CFAP299: variants seen among roughly 807,000 people sequenced by gnomAD.
CFAP299 encodes the protein cilia- and flagella-associated protein 299.
CFAP299 carries 21 observed loss-of-function variants against 27.0 expected under a neutral mutation model. The ratio of observed to expected loss-of-function variants is 0.78; its 90% confidence interval spans 0.55 to 1.12. The LOEUF (loss-of-function observed/expected upper bound fraction) is 1.12. CFAP299 is among the 50% of genes most tolerant of loss of function. The probability of loss-of-function intolerance (pLI) is 0.00; values close to 1 mark genes in which losing one functional copy is unlikely to be tolerated. For synonymous variants in CFAP299, 104 were observed against 98.1 expected, an observed-to-expected ratio of 1.06 and a Z score of -0.36; for missense variants, 310 against 276.6, an observed-to-expected ratio of 1.12 and a Z score of -0.86.
intron 3 of CFAP299, among the ~76,000 whole-genome samples, chr4:80,819,302 C>A (rs550432382): frequency 2.6e-5 from 4 of 152,006 alleles, no homozygotes; most frequent in Non-Finnish European, 5.9e-5. Context: ...AAAGTATTTG[C>A]AACTAAAGGC....
chr4:80,866,665 C>G (rs1327191693), intron 3 of CFAP299, among the ~76,000 whole-genome samples: 2 of 152,096 alleles, frequency 1.3e-5, no homozygotes, highest in African/African-American at 4.8e-5. Flanking sequence ...TACGATGATT[C>G]TAGAGGGACC....
rs137925193 is a variant in CFAP299, at chr4:80,599,214, A to T, written c.333+16031A>T. Reference sequence around the variant, plus strand: ...ATGGATCTCTGTCCTCCCACCTGATATCTAATCTCTACGTCTGTCCTTTAC... The same window carrying T: ...ATGGATCTCTGTCCTCCCACCTGATTTCTAATCTCTACGTCTGTCCTTTAC... On this transcript the variant is annotated intron_variant, in intron 3 of 5. Transcript: ENST00000358105. Among the ~76,000 whole-genome samples the T allele has an allele frequency of 7.8e-3, 1,191 of 152,290 alleles. 17 individuals carry two copies. Among genetic ancestry groups the T allele is most frequent in the African/African-American group, 0.027 (1,130 of 41,560 alleles).
At chr4:80,777,229 T>C (rs906729033) in intron 3 of CFAP299, among the ~76,000 whole-genome samples, 2 of 152,158 alleles carry the variant, frequency 1.3e-5, no homozygotes, top group African/African-American at 4.8e-5. Context: ...GTTTATCCTC[T>C]TTGAAAGTCA....
At chr4:80,894,658 C>T (rs1734521483) in intron 4 of CFAP299, among the ~76,000 whole-genome samples, 1 of 151,842 alleles carries the variant, frequency 6.6e-6, no homozygotes, top group Non-Finnish European at 1.5e-5. Flanking sequence ...AAAAATCTAA[C>T]TACTATGTGA....
intron 3 of CFAP299, among the ~76,000 whole-genome samples, chr4:80,742,236 G>A (rs1724317264): frequency 6.6e-6 from 1 of 152,026 alleles, no homozygotes; most frequent in South Asian, 2.1e-4. Context: ...TGATATTCCA[G>A]CAGGGAATAT....
intron 3 of CFAP299, among the ~76,000 whole-genome samples, chr4:80,658,410 A>G (rs1213122935): frequency 3.3e-5 from 5 of 152,134 alleles, no homozygotes; most frequent in East Asian, 1.9e-4. Flanking sequence ...CATTCCATCA[A>G]TGCCTAGTTT....
At chr4:80,387,896 T>G (rs1444289518) in intron 2 of CFAP299, 16 of 973,392 alleles carry the variant, frequency 1.6e-5, no homozygotes, top group African/African-American at 4.8e-5. Context: ...ATGGCCACGG[T>G]GCCCCCGGTG....
At chr4:80,471,797 G>A (rs1393256525) in intron 2 of CFAP299, among the ~76,000 whole-genome samples, 3 of 152,128 alleles carry the variant, frequency 2.0e-5, no homozygotes, top group Admixed American at 6.6e-5. Flanking sequence ...ACTCCACAGC[G>A]TGACTGCCAG....
intron 2 of CFAP299, among the ~76,000 whole-genome samples, chr4:80,504,727 T>C (rs998994614): frequency 6.8e-6 from 1 of 147,632 alleles, no homozygotes; most frequent in Admixed American, 6.8e-5. Context: ...GTGGCATTTG[T>C]AGTGAGGTTA....
At position 80,896,106 on chromosome 4, in the gene CFAP299, A is replaced by T. The variant is rs563366752; in HGVS notation, c.476+25971A>T. ...AAATATTAAATATTTCAAATAAAATATTCAGAATACAAAATAGTACATGCT... is the reference window on the plus strand; with the variant it reads ...AAATATTAAATATTTCAAATAAAATTTTCAGAATACAAAATAGTACATGCT... On this transcript the variant is annotated intron_variant, in intron 4 of 5. Transcript: ENST00000358105. 1.7e-4 allele frequency among the ~76,000 whole-genome samples: 26 copies of T among 152,224 alleles called. No individual in the cohort carries two copies. The South Asian group carries it at 5.4e-3, about 32-fold the overall frequency.
intron 2 of CFAP299, among the ~76,000 whole-genome samples, chr4:80,511,986 T>C (rs1732326499): frequency 6.6e-6 from 1 of 152,188 alleles, no homozygotes; most frequent in East Asian, 1.9e-4. Context: ...TGGAAATTAT[T>C]AATCAACTTT....
chr4:80,768,354 G>T (rs967575645), intron 3 of CFAP299, among the ~76,000 whole-genome samples: 2 of 152,100 alleles, frequency 1.3e-5, no homozygotes, highest in African/African-American at 4.8e-5. Flanking sequence ...GACAGAGATT[G>T]TTCCACAACA....
chr4:80,902,857 G>T (rs1390464358), intron 4 of CFAP299, among the ~76,000 whole-genome samples: 1 of 151,516 alleles, frequency 6.6e-6, no homozygotes, highest in African/African-American at 2.4e-5. Flanking sequence ...AAATATATAG[G>T]ACATTATGTT....
intron 3 of CFAP299, chr4:80,583,404 A>G (rs1736270996): frequency 1.2e-5 from 3 of 252,406 alleles, no homozygotes; most frequent in South Asian, 1.2e-4. Flanking sequence ...GATTCTAAAC[A>G]TTCATTGCAG....
At chr4:80,851,133 A>G (rs764887427) in intron 3 of CFAP299, among the ~76,000 whole-genome samples, 3 of 152,138 alleles carry the variant, frequency 2.0e-5, no homozygotes, top group Admixed American at 1.3e-4. Flanking sequence ...AAAACTGGAG[A>G]TAAACGATTT....
At chr4:80,871,110 T>C (rs1578202192) in intron 4 of CFAP299, 1 of 589,970 alleles carries the variant, frequency 1.7e-6, no homozygotes, top group African/African-American at 2.0e-5. Flanking sequence ...TTCCACCATA[T>C]TGGTCAAGCT....
rs869288835 is a variant in CFAP299 at position 80,554,505 on chromosome 4, G to GTT, written c.243-28570_243-28569dup. Among the ~76,000 whole-genome samples the GTT allele has an allele frequency of 4.2e-3, 458 of 108,708 alleles. 18 individuals are homozygous for GTT. The highest frequency in any genetic ancestry group is 0.014 in the African/African-American group (393 of 27,712). 71.3% of individuals were successfully genotyped at this position (108,708 alleles called of 152,430 possible). A position where few individuals can be genotyped will look rare whatever the true frequency, so the allele number is the denominator to read the frequency against. On this transcript the variant is annotated intron_variant, in intron 2 of 5. Coordinates refer to ENST00000358105, the MANE Select transcript of CFAP299 (RefSeq NM_152770.3). Reference sequence around the variant, plus strand: ...TTGAGTCTATATACGTTTTCCACTAGTTTTTTTTTTTTTTTTTTTGTCATG... The same window carrying GTT: ...TTGAGTCTATATACGTTTTCCACTAGTTTTTTTTTTTTTTTTTTTTTGTCATG...
chr4:80,596,642 G>T (rs1192365531), intron 3 of CFAP299, among the ~76,000 whole-genome samples: 1 of 151,834 alleles, frequency 6.6e-6, no homozygotes, highest in Admixed American at 6.6e-5. Flanking sequence ...GCTGTTAAAT[G>T]TGCAGGTCCA....
At chr4:80,869,364 A>T (rs1361080314) in intron 3 of CFAP299, among the ~76,000 whole-genome samples, 3 of 152,148 alleles carry the variant, frequency 2.0e-5, no homozygotes, top group African/African-American at 7.2e-5. Context: ...TTGCTTGAGA[A>T]TCCTTTTCAG....
Sources: gnomAD v4.1 joint callset for allele counts (sites outside exome capture counted in the v4.1 genomes callset) on GRCh38, gnomAD v4.1.1 for gene constraint, MANE v1.5 for transcripts, NCBI Gene and HGNC (gene_info 2026-07-23, HGNC 2026-07-21) for gene names.